The following KALRN variants were observed in gnomAD, a reference collection of about 807,000 sequenced individuals.
KALRN encodes the protein kalirin RhoGEF kinase, also known as kalirin.
In KALRN, 70 loss-of-function variants were observed where a neutral mutation model predicts 353.7. That is an observed-to-expected ratio of 0.20 (90% CI 0.16 to 0.24). KALRN has a LOEUF of 0.24. Among genes scored for constraint, KALRN ranks in the 10% least tolerant of loss-of-function variants. KALRN has a pLI of 1.00. For missense variants in KALRN, 2,791 were observed against 3,756.7 expected (o/e 0.74, Z 6.72); for synonymous variants, 1,391 against 1,434.8 (o/e 0.97, Z 0.69).
intron 34 of KALRN, among the ~76,000 whole-genome samples, chr3:124,623,399 T>TACGCACACACACACACACACACACAC (rs2079530349): frequency 7.3e-6 from 1 of 136,444 alleles, no homozygotes; most frequent in Non-Finnish European, 1.6e-5. Flanking sequence ...TATTTATTTA[T>TACGCACACACACACACACACACACAC]ACACACACAC....
chr3:124,584,627 C>T, intron 34 of KALRN: 1 of 1,409,398 alleles, frequency 7.1e-7, no homozygotes, highest in South Asian at 1.5e-5. Context: ...CCTCCCTCCC[C>T]GCCTGGCCCC....
chr3:124,368,679 C>T (rs979186564), intron 10 of KALRN, among the ~76,000 whole-genome samples: 1 of 147,284 alleles, frequency 6.8e-6, no homozygotes, highest in Admixed American at 6.7e-5. Flanking sequence ...GCAGAGGCTG[C>T]AATCTCGGCA....
At chr3:124,072,292 C>T (rs2060055465) in intron 1 of KALRN, among the ~76,000 whole-genome samples, 1 of 152,224 alleles carries the variant, frequency 6.6e-6, no homozygotes, top group Admixed American at 6.5e-5. Context: ...TTCCGATCTG[C>T]TCCCTGTATC....
At chr3:124,671,983 C>A in intron 48 of KALRN, 85 bp downstream of exon 48, 2 of 1,051,458 alleles carry the variant, frequency 1.9e-6, no homozygotes, top group Non-Finnish European at 2.9e-6. Flanking sequence ...GAGTCTCGGT[C>A]TGTCATCCAG....
At chr3:124,654,520 A>T (rs540621404) in intron 38 of KALRN, among the ~76,000 whole-genome samples, 3 of 152,296 alleles carry the variant, frequency 2.0e-5, no homozygotes, top group Admixed American at 1.3e-4. Flanking sequence ...AACTCATTCC[A>T]ATCAGATTGG....
At chr3:124,480,097 C>A (rs1478292532) in intron 27 of KALRN, among the ~76,000 whole-genome samples, 3 of 152,196 alleles carry the variant, frequency 2.0e-5, no homozygotes, top group African/African-American at 7.2e-5. Context: ...AGGCCCCTCC[C>A]TCTCTGCTCC....
chr3:124,445,787 A>G (rs1343896723), intron 19 of KALRN, among the ~76,000 whole-genome samples: 1 of 152,200 alleles, frequency 6.6e-6, no homozygotes, highest in Non-Finnish European at 1.5e-5. Flanking sequence ...ATTCCTGTCA[A>G]GGTCCACCCA....
chr3:124,715,775 T>C (rs1480892659), intron 58 of KALRN, among the ~76,000 whole-genome samples: 1 of 152,216 alleles, frequency 6.6e-6, no homozygotes, highest in African/African-American at 2.4e-5. Context: ...CATGTGCCTT[T>C]AACAACTCAA....
chr3:124,153,969 G>GT (rs1416102383), intron 1 of KALRN, among the ~76,000 whole-genome samples: 1 of 152,002 alleles, frequency 6.6e-6, no homozygotes, highest in African/African-American at 2.4e-5. Context: ...GGGGTTGTTT[G>GT]TTTTTTTCTT....
chr3:124,524,632 A>C (rs2067436533), intron 33 of KALRN, among the ~76,000 whole-genome samples: 1 of 152,234 alleles, frequency 6.6e-6, no homozygotes, highest in South Asian at 2.1e-4. Flanking sequence ...GAGAGAGTGG[A>C]ATGCAAGATT....
intron 51 of KALRN, among the ~76,000 whole-genome samples, chr3:124,692,815 C>T (rs1470909047): frequency 6.6e-6 from 1 of 152,180 alleles, no homozygotes; most frequent in Non-Finnish European, 1.5e-5. Flanking sequence ...CATACAATCA[C>T]ATTAAACAAA....
chr3:124,113,753 T>C (rs185085162), intron 1 of KALRN, among the ~76,000 whole-genome samples: 1 of 152,342 alleles, frequency 6.6e-6, no homozygotes, highest in East Asian at 1.9e-4. Flanking sequence ...AGGCTCAAGG[T>C]ACATCCTGCC....
At position 124,584,756 on chromosome 3, in the gene KALRN, C is replaced by A. The variant is rs771573722; in HGVS notation, c.5182+21667C>A. The A allele has an allele frequency of 3.3e-6, 5 of 1,537,520 alleles. No individual in the cohort carries two copies. The South Asian group carries it at 6.0e-5, about 19-fold the overall frequency. Reference sequence around the variant, plus strand: ...CGGGCGGCGGCGCTGAAGTTTCCTTCCCGCCGCGCTCTCACCCCGGGCTGG... The same window carrying A: ...CGGGCGGCGGCGCTGAAGTTTCCTTACCGCCGCGCTCTCACCCCGGGCTGG... On this transcript the variant is annotated intron_variant, in intron 34 of 59. Coordinates refer to ENST00000682506, the MANE Select transcript of KALRN (RefSeq NM_001388419.1).
chr3:124,679,701 GA>G, intron 51 of KALRN, 184 bp downstream of exon 51: 1 of 687,418 alleles, frequency 1.5e-6, no homozygotes, highest in Non-Finnish European at 2.7e-6. Context: ...AGTGTTGGTA[GA>G]AAACTCTACC....
chr3:124,406,748 T>C (rs907959401), intron 13 of KALRN, among the ~76,000 whole-genome samples: 1 of 152,072 alleles, frequency 6.6e-6, no homozygotes, highest in Admixed American at 6.6e-5. Context: ...TGATCAAGTG[T>C]GTAGTATTTT....
intron 1 of KALRN, among the ~76,000 whole-genome samples, chr3:124,143,676 C>A (rs2066917727): frequency 2.0e-5 from 3 of 152,074 alleles, no homozygotes; most frequent in African/African-American, 7.2e-5. Context: ...CCAGAAAATA[C>A]CTATTAATGC....
chr3:124,592,131 G>A (rs536499981), intron 34 of KALRN, among the ~76,000 whole-genome samples: 69 of 151,820 alleles, frequency 4.5e-4, no homozygotes, highest in Non-Finnish European at 7.9e-4. Context: ...TGAAACCCCC[G>A]TCTCTACTAA....
Position 124,667,125 on chromosome 3 carries a change from G to C in KALRN, c.6645G>C (p.Gln2215His), listed in dbSNP as rs750102941. 1.2e-6 allele frequency: 2 copies of C among 1,614,188 alleles called. No homozygotes were observed. Among genetic ancestry groups the C allele is most frequent in the South Asian group, 2.2e-5 (2 of 91,084 alleles). The change falls in exon 47 of 60, where the codon CAG (glutamine) becomes CAC (histidine). Residue 2215 changes from glutamine to histidine, a missense_variant. By Grantham distance (24) the Gln-to-His change is conservative. Transcript: ENST00000682506. ...TGCAAGCCGCCAACGCTGACATCCA[G>C]CAGGCCTGGGTGCAGGACATCAATC... Reference protein sequence around the residue: ...VVLQAANADIQQAWVQDINQV... With the variant: ...VVLQAANADIHQAWVQDINQV...
intron 28 of KALRN, among the ~76,000 whole-genome samples, chr3:124,483,190 G>A (rs1477413431): frequency 6.6e-6 from 1 of 152,220 alleles, no homozygotes; most frequent in Non-Finnish European, 1.5e-5. Flanking sequence ...CTGGCTCCTA[G>A]AGGCTTTCTT....
Sources: gnomAD v4.1 joint callset for allele counts (sites outside exome capture counted in the v4.1 genomes callset) on GRCh38, gnomAD v4.1.1 for gene constraint, MANE v1.5 for transcripts, NCBI Gene and HGNC (gene_info 2026-07-23, HGNC 2026-07-21) for gene names.